PROB1: variants seen among roughly 807,000 people sequenced by gnomAD.
PROB1 encodes the protein proline rich basic protein 1, also known as proline-rich basic protein 1.
For synonymous variants in PROB1, 660 were observed against 699.3 expected, an observed-to-expected ratio of 0.94 and a Z score of 0.89; for missense variants, 1,453 against 1,485.7, an observed-to-expected ratio of 0.98 and a Z score of 0.36.
Position 139,395,076 on chromosome 5 carries a change from C to A in PROB1, c.6G>T (p.Leu2=). 1 of 1,404,586 alleles carries A rather than the reference C, an allele frequency of 7.1e-7. No homozygotes were observed. Among genetic ancestry groups the A allele is most frequent in the South Asian group, 1.6e-5 (1 of 63,210 alleles). The allele number at this position is 1,404,586 out of a possible 1,614,324, so 87.0% of individuals were successfully genotyped here. A position where few individuals can be genotyped will look rare whatever the true frequency, so the allele number is the denominator to read the frequency against. M[L]TALAPPALPG... ...GCAGGGCTGGCGGGGCGAGCGCGGTCAGCATGGTGGGGCCGGACGCCGTGC... is the reference window on the plus strand; with the variant it reads ...GCAGGGCTGGCGGGGCGAGCGCGGTAAGCATGGTGGGGCCGGACGCCGTGC... The change falls in exon 1 of 1, where the codon CTG becomes CTT. Residue 2 remains leucine (L), a synonymous_variant. Transcript: ENST00000434752.
In PROB1 at chr5:139,394,155, G is replaced by A; in HGVS notation, c.927C>T (p.Ala309=). Residue 309 remains alanine (A), a synonymous_variant, in exon 1 of 1, where the codon GCC becomes GCT. Transcript: ENST00000434752. The part of the protein sequence containing the change: ...PLRVRDNSAP[A]KAPRPWPSLR... ...GGCTGGGCCACGGCCTCGGGGCCTT[G>A]GCGGGGGCCGAATTATCTCGTACGC... 1 of 1,546,358 alleles carries A rather than the reference G, an allele frequency of 6.5e-7. No homozygotes were observed. The highest frequency in any genetic ancestry group is 8.7e-7 in the Non-Finnish European group (1 of 1,144,284).
rs913060474 is a variant in PROB1 at position 139,394,135 on chromosome 5, G to A, written c.947C>T (p.Pro316Leu). ...CCGAATCGCGCGCTCGCGGAGGCTGGGCCACGGCCTCGGGGCCTTGGCGGG... is the reference window on the plus strand; with the variant it reads ...CCGAATCGCGCGCTCGCGGAGGCTGAGCCACGGCCTCGGGGCCTTGGCGGG... ...SAPAKAPRPW[P>L]SLRERAIRRD... The change falls in exon 1 of 1, where the codon CCC (proline) becomes CTC (leucine). Residue 316 changes from proline (P) to leucine (L), a missense_variant. Physicochemically the swap from Pro to Leu is moderately conservative, Grantham distance 98 (BLOSUM62 -3). Transcript: ENST00000434752. 5 of 1,547,012 alleles carry A rather than the reference G, an allele frequency of 3.2e-6. No homozygotes were observed. In the African/African-American group the frequency reaches 6.9e-5, roughly 21 times the overall value.
rs1228915323 is a variant in PROB1 at position 139,393,063 on chromosome 5, G to A, written c.2019C>T (p.Pro673=). The change falls in exon 1 of 1, where the codon CCC becomes CCT. Residue 673 remains proline, a synonymous_variant. Coordinates refer to ENST00000434752, the MANE Select transcript of PROB1 (RefSeq NM_001161546.2). ...CGGAAGTGTAGTGAGCCGGGGCGGG[G>A]GGCCCCAGTGCTGGCGGCTCTTGCG... ...SKTQEPPALG[P]PAPAHYTSVF... 2.0e-6 allele frequency: 3 copies of A among 1,530,464 alleles called. No homozygotes were observed. The highest frequency in any genetic ancestry group is 2.1e-5 in the Admixed American group (1 of 46,930). 94.8% of individuals were successfully genotyped at this position (1,530,464 alleles called of 1,614,324 possible). A position where few individuals can be genotyped will look rare whatever the true frequency, so the allele number is the denominator to read the frequency against.
chr5:139,392,583 C>A lies in PROB1; in HGVS notation c.2499G>T (p.Ala833=). 1 of 1,363,618 alleles carries A rather than the reference C, an allele frequency of 7.3e-7. No individual in the cohort carries two copies. Among genetic ancestry groups the A allele is most frequent in the Non-Finnish European group, 9.4e-7 (1 of 1,062,992 alleles). The allele number at this position is 1,363,618 out of a possible 1,614,324, so 84.5% of individuals were successfully genotyped here. Reference sequence around the variant, plus strand: ...ACGCCAGGGGCTCCCGCGGGAGTGGCGCCTGGACGGCAGCCGCGGGCTCGG... The same window carrying A: ...ACGCCAGGGGCTCCCGCGGGAGTGGAGCCTGGACGGCAGCCGCGGGCTCGG... ...TAPEPAAAVQ[A]PLPREPLALA... Residue 833 remains alanine (A), a synonymous_variant, in exon 1 of 1, where the codon GCG becomes GCT. Coordinates refer to ENST00000434752, the MANE Select transcript of PROB1 (RefSeq NM_001161546.2). The surrounding 1 kb of genome is among the most constrained non-coding windows in gnomAD (Gnocchi z 5.8).
At position 139,392,845 on chromosome 5, in the gene PROB1, T is replaced by A. The variant is rs1758621637; in HGVS notation, c.2237A>T (p.Glu746Val). The A allele has an allele frequency of 1.9e-6, 3 of 1,539,022 alleles. No individual in the cohort carries two copies. Among genetic ancestry groups the A allele is most frequent in the Non-Finnish European group, 2.6e-6 (3 of 1,140,964 alleles). The change falls in exon 1 of 1, where the codon GAG (glutamate) becomes GTG (valine). Residue 746 changes from glutamate to valine, a missense_variant. Physicochemically the swap from Glu to Val is moderately radical, Grantham distance 121. Coordinates refer to ENST00000434752, the MANE Select transcript of PROB1 (RefSeq NM_001161546.2). The surrounding 1 kb of genome is among the most constrained non-coding windows in gnomAD (Gnocchi z 5.8). Reference protein sequence around the residue: ...PGALALGRRPEVTSRVRARGP... With the variant: ...PGALALGRRPVVTSRVRARGP... ...GCGCGCTCGCACTCGCGAGGTTACC[T>A]CGGGCCGGCGACCCAAGGCCAGGGC...
At position 139,393,090 on chromosome 5, in the gene PROB1, C is replaced by T. The variant is rs939935179; in HGVS notation, c.1992G>A (p.Lys664=). The change falls in exon 1 of 1, where the codon AAG becomes AAA. Residue 664 remains lysine, a synonymous_variant. Coordinates refer to ENST00000434752, the MANE Select transcript of PROB1 (RefSeq NM_001161546.2). ...GCCCCAGTGCTGGCGGCTCTTGCGT[C>T]TTGGATTCGCCGCCCTCCTCCCCGC... The part of the protein sequence containing the change: ...DPCGEEGGES[K]TQEPPALGPP... 2 of 1,524,540 alleles carry T rather than the reference C, an allele frequency of 1.3e-6. No individual in the cohort carries two copies. The highest frequency in any genetic ancestry group is 2.8e-5 in the African/African-American group (2 of 72,018). 94.4% of individuals were successfully genotyped at this position (1,524,540 alleles called of 1,614,324 possible).
Position 139,393,648 on chromosome 5 carries a change from C to T in PROB1, c.1434G>A (p.Leu478=). ...ERSPSLEAPS[L]WEIPHSAVAD... ...CGACTGCCGAATGTGGAATCTCCCA[C>T]AGGGAAGGGGCTTCGAGGGACGGGC... Residue 478 remains leucine (L), a synonymous_variant, in exon 1 of 1, where the codon CTG becomes CTA. Coordinates refer to ENST00000434752, the MANE Select transcript of PROB1 (RefSeq NM_001161546.2). The T allele has an allele frequency of 1.3e-6, 2 of 1,550,400 alleles. No homozygotes were observed. Among genetic ancestry groups the T allele is most frequent in the Non-Finnish European group, 1.7e-6 (2 of 1,146,782 alleles).
rs1228834108 is a variant in PROB1, at chr5:139,394,140, C to A, written c.942G>T (p.Pro314=). ...DNSAPAKAPR[P]WPSLRERAIR... Reference sequence around the variant, plus strand: ...TCGCGCGCTCGCGGAGGCTGGGCCACGGCCTCGGGGCCTTGGCGGGGGCCG... The same window carrying A: ...TCGCGCGCTCGCGGAGGCTGGGCCAAGGCCTCGGGGCCTTGGCGGGGGCCG... Residue 314 remains proline (P), a synonymous_variant, in exon 1 of 1, where the codon CCG becomes CCT. Transcript: ENST00000434752. The A allele has an allele frequency of 3.9e-6, 6 of 1,546,770 alleles. No individual in the cohort carries two copies. In the East Asian group the frequency reaches 1.5e-4, roughly 38 times the overall value.
chr5:139,392,408 A>T lies in PROB1; in HGVS notation c.2674T>A (p.Tyr892Asn). Residue 892 changes from tyrosine to asparagine, a missense_variant, in exon 1 of 1, where the codon TAC becomes AAC. Coordinates refer to ENST00000434752, the MANE Select transcript of PROB1 (RefSeq NM_001161546.2). This position sits in a 1 kb window ranked among gnomAD's most constrained non-coding sequence, Gnocchi z 5.8. ...GGCTGCCGCGGCGCCTCCACAAAGT[A>T]GTAGCGGCCGCTCTCGGGGTCCACC... ...VLVDPESGRY[Y>N]FVEAPRQPRL... is the part of the protein sequence containing the mutation. 1 of 1,504,582 alleles carries T rather than the reference A, an allele frequency of 6.6e-7. No individual in the cohort carries two copies. The highest frequency in any genetic ancestry group is 8.9e-7 in the Non-Finnish European group (1 of 1,128,690). 93.2% of individuals were successfully genotyped at this position (1,504,582 alleles called of 1,614,324 possible). A position where few individuals can be genotyped will look rare whatever the true frequency, so the allele number is the denominator to read the frequency against.
At position 139,394,093 on chromosome 5, in the gene PROB1, G is replaced by A; in HGVS notation, c.989C>T (p.Pro330Leu). 6.5e-7 allele frequency: 1 copy of A among 1,550,308 alleles called. No individual in the cohort carries two copies. The highest frequency in any genetic ancestry group is 8.7e-7 in the Non-Finnish European group (1 of 1,146,526). Residue 330 changes from proline to leucine, a missense_variant, in exon 1 of 1, where the codon CCC becomes CTC. Pro to Leu is a moderately conservative substitution (Grantham distance 98, BLOSUM62 -3). Coordinates refer to ENST00000434752, the MANE Select transcript of PROB1 (RefSeq NM_001161546.2). ...AACAGGACCCAGCGGCTCCGTCCCG[G>A]GCGCAGGCTTGTCGCGCCGAATCGC... ...ERAIRRDKPA[P>L]GTEPLGPVSS...
In PROB1 at chr5:139,392,051, A is replaced by T. The variant is rs1758607132; in HGVS notation, c.3031T>A (p.Ser1011Thr). ...SSGPTQPGKGSLFPL is the reference protein window; with the variant it reads ...SSGPTQPGKGTLFPL ...CCGGGGCCTCACAGCGGGAACAATG[A>T]ACCCTTGCCGGGCTGGGTGGGACCT... The change falls in exon 1 of 1, where the codon TCA becomes ACA. Residue 1011 changes from serine (S) to threonine (T), a missense_variant. Transcript: ENST00000434752. This position sits in a 1 kb window ranked among gnomAD's most constrained non-coding sequence, Gnocchi z 5.8. 4.3e-6 allele frequency: 6 copies of T among 1,398,922 alleles called. No individual in the cohort carries two copies. The South Asian group carries it at 9.8e-5, about 23-fold the overall frequency. The allele number at this position is 1,398,922 out of a possible 1,614,324, so 86.7% of individuals were successfully genotyped here.
Position 139,394,290 on chromosome 5 carries a change from CG to C in PROB1, c.791del (p.Pro264ArgfsTer125). The part of the protein sequence containing the change: ...ALARKLSPEA[P>X]APSSATFGST... ...ACCCGAAGGTGGCGCTGCTCGGGGC[CG>C]GGGCCTCGGGGCTCAGTTTTCTGGC... is the stretch of plus-strand genomic sequence containing the variant. On this transcript the variant is annotated frameshift_variant, in exon 1 of 1. Transcript: ENST00000434752. LOFTEE classifies it low-confidence loss of function (END_TRUNC). 2.6e-6 allele frequency: 4 copies of C among 1,521,426 alleles called. No individual in the cohort carries two copies. Among genetic ancestry groups the C allele is most frequent in the Non-Finnish European group, 2.6e-6 (3 of 1,134,586 alleles). The allele number at this position is 1,521,426 out of a possible 1,614,324, so 94.2% of individuals were successfully genotyped here.
In PROB1 at chr5:139,394,362, C is replaced by T. The variant is rs1416704140; in HGVS notation, c.720G>A (p.Ser240=). 17 of 1,418,042 alleles carry T rather than the reference C, an allele frequency of 1.2e-5. No individual in the cohort carries two copies. Among genetic ancestry groups the T allele is most frequent in the Non-Finnish European group, 1.5e-5 (16 of 1,093,120 alleles). 87.8% of individuals were successfully genotyped at this position (1,418,042 alleles called of 1,614,324 possible). The change falls in exon 1 of 1, where the codon TCG becomes TCA. Residue 240 remains serine (S), a synonymous_variant. Coordinates refer to ENST00000434752, the MANE Select transcript of PROB1 (RefSeq NM_001161546.2). ...CCGCGGCGGCCTGCAGGGGGCCCAGCGACTCGTCCAGGGAACCGGTGCGCA... is the reference window on the plus strand; with the variant it reads ...CCGCGGCGGCCTGCAGGGGGCCCAGTGACTCGTCCAGGGAACCGGTGCGCA... ...LLLRTGSLDE[S]LGPLQAAAGF...
rs913060474 is a variant in PROB1 at position 139,394,135 on chromosome 5, G to C, written c.947C>G (p.Pro316Arg). ...SAPAKAPRPW[P>R]SLRERAIRRD... ...CCGAATCGCGCGCTCGCGGAGGCTG[G>C]GCCACGGCCTCGGGGCCTTGGCGGG... is the stretch of plus-strand genomic sequence containing the variant. The change falls in exon 1 of 1, where the codon CCC becomes CGC. Residue 316 changes from proline to arginine, a missense_variant. Transcript: ENST00000434752. 8 of 1,547,130 alleles carry C rather than the reference G, an allele frequency of 5.2e-6. No individual in the cohort carries two copies. The African/African-American group carries it at 1.1e-4, about 21-fold the overall frequency.
Position 139,394,835 on chromosome 5 carries a change from C to G in PROB1, c.247G>C (p.Gly83Arg), listed in dbSNP as rs1042128435. The change falls in exon 1 of 1, where the codon GGG becomes CGG. Residue 83 changes from glycine to arginine, a missense_variant. By Grantham distance (125) the Gly-to-Arg change is moderately radical (BLOSUM62 -2). Coordinates refer to ENST00000434752, the MANE Select transcript of PROB1 (RefSeq NM_001161546.2). The stretch of plus-strand genomic sequence containing the variant: ...CCTCGCGGGAAACCCGAGCCGGGCC[C>G]GTGCCGCTGGCGGCTATTCTGGGCG... ...VSAQNSRQRH[G>R]PGSGFPRGPG... 2 of 1,531,228 alleles carry G rather than the reference C, an allele frequency of 1.3e-6. No individual in the cohort carries two copies. The highest frequency in any genetic ancestry group is 2.0e-5 in the Admixed American group (1 of 49,218). 94.9% of individuals were successfully genotyped at this position (1,531,228 alleles called of 1,614,324 possible). A position where few individuals can be genotyped will look rare whatever the true frequency, so the allele number is the denominator to read the frequency against.
rs746059865 is a variant in PROB1, at chr5:139,394,015, G to T, written c.1067C>A (p.Thr356Asn). Residue 356 changes from threonine (T) to asparagine (N), a missense_variant, in exon 1 of 1, where the codon ACT becomes AAT. By Grantham distance (65) the Thr-to-Asn change is moderately conservative. Coordinates refer to ENST00000434752, the MANE Select transcript of PROB1 (RefSeq NM_001161546.2). ...ATCCGGCGCCTCTCGCGGGAACCGAGTCTTCCGCGCCTCCTGGATCTTCTC... is the reference window on the plus strand; with the variant it reads ...ATCCGGCGCCTCTCGCGGGAACCGATTCTTCCGCGCCTCCTGGATCTTCTC... ...SEEKIQEARK[T>N]RFPREAPDRT... 1 of 1,550,590 alleles carries T rather than the reference G, an allele frequency of 6.4e-7. No homozygotes were observed. Among genetic ancestry groups the T allele is most frequent in the African/African-American group, 1.4e-5 (1 of 73,074 alleles).
rs1345531273 is a variant in PROB1 at position 139,394,812 on chromosome 5, T to A, written c.270A>T (p.Arg90=). 1 of 1,529,584 alleles carries A rather than the reference T, an allele frequency of 6.5e-7. No homozygotes were observed. Among genetic ancestry groups the A allele is most frequent in the Non-Finnish European group, 8.8e-7 (1 of 1,138,478 alleles). 94.8% of individuals were successfully genotyped at this position (1,529,584 alleles called of 1,614,324 possible). The change falls in exon 1 of 1, where the codon CGA becomes CGT. Residue 90 remains arginine, a synonymous_variant. Transcript: ENST00000434752. ...QRHGPGSGFP[R]GPGSGPRPPQ... The stretch of plus-strand genomic sequence containing the variant: ...GTGGCCGTGGGCCGGAACCTGGGCC[T>A]CGCGGGAAACCCGAGCCGGGCCCGT...
Position 139,392,940 on chromosome 5 carries a change from C to T in PROB1, c.2142G>A (p.Gly714=). The T allele has an allele frequency of 1.3e-6, 2 of 1,516,714 alleles. No homozygotes were observed. The highest frequency in any genetic ancestry group is 1.8e-6 in the Non-Finnish European group (2 of 1,127,866). 94.0% of individuals were successfully genotyped at this position (1,516,714 alleles called of 1,614,324 possible). A position where few individuals can be genotyped will look rare whatever the true frequency, so the allele number is the denominator to read the frequency against. Residue 714 remains glycine (G), a synonymous_variant, in exon 1 of 1, where the codon GGG becomes GGA. Transcript: ENST00000434752. This position sits in a 1 kb window ranked among gnomAD's most constrained non-coding sequence, Gnocchi z 5.8. ...TGTTCTCTGCCCTCCGCCGCAGGAC[C>T]CCGTTGGGCTGTGAGGCGTCCCGGG... ...TVARDASQPN[G]VLRRRAENST...
At position 139,392,297 on chromosome 5, in the gene PROB1, C is replaced by A. The variant is rs1435479484; in HGVS notation, c.2785G>T (p.Val929Phe). ...PPSSPGPPHR[V>F]YTPLALGLGL... Reference sequence around the variant, plus strand: ...AGCCCCAGGGCCAGAGGGGTGTAGACGCGGTGGGGCGGCCCGGGAGACGAG... The same window carrying A: ...AGCCCCAGGGCCAGAGGGGTGTAGAAGCGGTGGGGCGGCCCGGGAGACGAG... Residue 929 changes from valine to phenylalanine, a missense_variant, in exon 1 of 1, where the codon GTC becomes TTC. Physicochemically the swap from Val to Phe is conservative, Grantham distance 50 (BLOSUM62 -1). Transcript: ENST00000434752. The surrounding 1 kb of genome is among the most constrained non-coding windows in gnomAD (Gnocchi z 5.8). The A allele has an allele frequency of 6.8e-7, 1 of 1,464,328 alleles. No homozygotes were observed. The highest frequency in any genetic ancestry group is 9.1e-7 in the Non-Finnish European group (1 of 1,102,342). The allele number at this position is 1,464,328 out of a possible 1,614,324, so 90.7% of individuals were successfully genotyped here.
Sources: gnomAD v4.1 joint callset for allele counts on GRCh38, gnomAD v4.1.1 for gene constraint, Gnocchi (gnomAD v3.1) non-coding constraint, MANE v1.5 for transcripts, NCBI Gene and HGNC (gene_info 2026-07-23, HGNC 2026-07-21) for gene names.